Variants in ROBO2 observed in about 807,000 individuals in gnomAD.
The protein encoded by ROBO2 is roundabout guidance receptor 2, also known as roundabout homolog 2.
In ROBO2, 53 loss-of-function variants were observed where a neutral mutation model predicts 160.8. That is an observed-to-expected ratio of 0.33 (90% CI 0.26 to 0.41). The LOEUF is 0.41. Among genes scored for constraint, ROBO2 ranks in the 10% least tolerant of loss-of-function variants. The probability of loss-of-function intolerance (pLI) is 1.00; values close to 1 mark genes in which losing one functional copy is unlikely to be tolerated. For synonymous variants in ROBO2, 664 were observed against 611.7 expected (o/e 1.09, Z -1.26); for missense variants, 1,577 against 1,722.4 (o/e 0.92, Z 1.49).
chr3:76,817,492 T>A (rs1159434828), intron 2 of ROBO2, among the ~76,000 whole-genome samples: 1 of 152,072 alleles, frequency 6.6e-6, no homozygotes, highest in African/African-American at 2.4e-5. Context: ...TATTGACTTT[T>A]CTTTACATTT....
intron 2 of ROBO2, among the ~76,000 whole-genome samples, chr3:77,321,991 G>A (rs1311831347): frequency 1.3e-5 from 2 of 152,140 alleles, no homozygotes; most frequent in African/African-American, 4.8e-5. Flanking sequence ...GAGCAATCAG[G>A]AGATAACAGG....
At chr3:77,017,691 T>G (rs2062362405) in intron 2 of ROBO2, among the ~76,000 whole-genome samples, 1 of 152,188 alleles carries the variant, frequency 6.6e-6, no homozygotes, top group Non-Finnish European at 1.5e-5. Context: ...ATTTACTATT[T>G]TTATAGTTTA....
At chr3:77,220,556 A>C (rs998307303) in intron 2 of ROBO2, among the ~76,000 whole-genome samples, 1 of 152,106 alleles carries the variant, frequency 6.6e-6, no homozygotes, top group African/African-American at 2.4e-5. Context: ...TAGTTCAATT[A>C]GATTCCTTGT....
intron 2 of ROBO2, among the ~76,000 whole-genome samples, chr3:76,747,780 C>G (rs1325209099): frequency 1.5e-4 from 22 of 151,600 alleles, no homozygotes; most frequent in Admixed American, 1.4e-3. Flanking sequence ...ATATAAAAAT[C>G]TTATCTGTAT....
chr3:76,805,671 CGTGTGTGT>C (rs71673124), intron 2 of ROBO2, among the ~76,000 whole-genome samples: 101 of 145,848 alleles, frequency 6.9e-4, no homozygotes, highest in African/African-American at 1.1e-3. Context: ...TATTGGAATA[CGTGTGTGT>C]GTGTGTGTGT....
At chr3:76,090,323 T>C (rs932573555) in intron 2 of ROBO2, among the ~76,000 whole-genome samples, 1 of 151,938 alleles carries the variant, frequency 6.6e-6, no homozygotes, top group African/African-American at 2.4e-5. Context: ...GTGCCTGTAA[T>C]CCCAGCTGCT....
chr3:76,242,618 G>A (rs1705361085), intron 2 of ROBO2, among the ~76,000 whole-genome samples: 1 of 152,158 alleles, frequency 6.6e-6, no homozygotes, highest in Non-Finnish European at 1.5e-5. Flanking sequence ...GGGCGTGGTG[G>A]CTCGGTCTTG....
intron 2 of ROBO2, among the ~76,000 whole-genome samples, chr3:77,435,339 G>A (rs2079170519): frequency 6.6e-6 from 1 of 151,872 alleles, no homozygotes; most frequent in Admixed American, 6.6e-5. Flanking sequence ...TTGATGGAAA[G>A]TATTTTATTT....
At position 77,215,821 on chromosome 3, in the gene ROBO2, C is replaced by T. The variant is rs1361913736; in HGVS notation, c.388+117481C>T. 3.3e-5 allele frequency among the ~76,000 whole-genome samples: 5 copies of T among 152,190 alleles called. No individual in the cohort carries two copies. In the East Asian group the frequency reaches 9.6e-4, roughly 29 times the overall value. ...ACAGTCAGGACCCTCAGCTGCAGGT[C>T]TGTTGGAGTTTGCTGGAGGTCCACT... is the stretch of plus-strand genomic sequence containing the variant. On this transcript the variant is annotated intron_variant, in intron 2 of 25. Coordinates refer to ENST00000461745, the Ensembl canonical transcript of ROBO2.
intron 2 of ROBO2, among the ~76,000 whole-genome samples, chr3:77,325,697 T>A (rs1433395107): frequency 6.6e-6 from 1 of 152,228 alleles, no homozygotes; most frequent in Non-Finnish European, 1.5e-5. Flanking sequence ...TGGTTTATTG[T>A]TAAGTAATCT....
At chr3:76,896,816 G>C (rs1399843509) in intron 2 of ROBO2, among the ~76,000 whole-genome samples, 1 of 151,976 alleles carries the variant, frequency 6.6e-6, no homozygotes, top group Non-Finnish European at 1.5e-5. Flanking sequence ...GAATACTTGA[G>C]GACTTAGGAG....
At chr3:76,304,988 T>G (rs955641048) in intron 2 of ROBO2, among the ~76,000 whole-genome samples, 1 of 151,976 alleles carries the variant, frequency 6.6e-6, no homozygotes, top group Admixed American at 6.6e-5. Context: ...TGAATTATCA[T>G]AGCAGAAATA....
chr3:77,215,739 G>C (rs539552289), intron 2 of ROBO2, among the ~76,000 whole-genome samples: 43 of 152,160 alleles, frequency 2.8e-4, no homozygotes, highest in Admixed American at 5.2e-4. Flanking sequence ...TGATGATGGT[G>C]ACGTACAGAT....
intron 2 of ROBO2, among the ~76,000 whole-genome samples, chr3:76,005,700 A>G (rs2066001941): frequency 6.6e-6 from 1 of 152,180 alleles, no homozygotes; most frequent in South Asian, 2.1e-4. Context: ...CAGAGTTACA[A>G]CAAAATGATC....
At chr3:76,448,867 G>T (rs2077330685) in intron 2 of ROBO2, among the ~76,000 whole-genome samples, 1 of 152,090 alleles carries the variant, frequency 6.6e-6, no homozygotes, top group African/African-American at 2.4e-5. Context: ...GAAGTGGTGG[G>T]ATCACTAGTG....
rs908383277 is a variant in ROBO2 at position 75,929,691 on chromosome 3, G to A, written c.-13-7790G>A. On this transcript the variant is annotated intron_variant, in intron 1 of 26. Coordinates refer to the ROBO2 transcript ENST00000487694. ...CATCATCAACAGACCTCCTTCCTGG[G>A]CACTCTTGTCTTTTTTTTTTTGAGA... Among the ~76,000 whole-genome samples the A allele has an allele frequency of 2.6e-5, 4 of 151,348 alleles. No individual in the cohort carries two copies. The South Asian group carries it at 6.2e-4, about 24-fold the overall frequency.
intron 2 of ROBO2, among the ~76,000 whole-genome samples, chr3:75,944,789 T>C (rs1244469142): frequency 1.3e-5 from 2 of 152,210 alleles, no homozygotes; most frequent in Admixed American, 1.3e-4. Flanking sequence ...GATGCAATTG[T>C]TTTTCTTATG....
chr3:76,860,824 A>G (rs1200617346), intron 2 of ROBO2, among the ~76,000 whole-genome samples: 1 of 152,174 alleles, frequency 6.6e-6, no homozygotes, highest in Non-Finnish European at 1.5e-5. Flanking sequence ...TTCTTCACAG[A>G]TAAACAAGAC....
chr3:77,196,861 G>A (rs1220592702), intron 2 of ROBO2, among the ~76,000 whole-genome samples: 5 of 151,470 alleles, frequency 3.3e-5, no homozygotes, highest in East Asian at 1.9e-4. Context: ...GATTAGACTC[G>A]TTCAATGGAA....
Sources: gnomAD v4.1 joint callset for allele counts (sites outside exome capture counted in the v4.1 genomes callset) on GRCh38, gnomAD v4.1.1 for gene constraint, MANE v1.5 for transcripts, NCBI Gene and HGNC (gene_info 2026-07-23, HGNC 2026-07-21) for gene names.